The following DCAF8L2 variants were observed in gnomAD, a reference collection of about 807,000 sequenced individuals.
The protein encoded by DCAF8L2 is DDB1 and CUL4 associated factor 8 like 2.
For missense variants in DCAF8L2, 430 were observed against 490.7 expected, an observed-to-expected ratio of 0.88 and a Z score of 1.17; for synonymous variants, 200 against 190.9, an observed-to-expected ratio of 1.05 and a Z score of -0.39.
At chrX:27,519,650 G>A in the DCAF8L2 span, 9 of 615,965 alleles carry the variant, frequency 1.5e-5, no homozygotes, top group Non-Finnish European at 2.3e-5. Context: ...TCAAATGAAG[G>A]GGTAATGAAC....
At chrX:27,609,816 AC>A (rs1927076192) in intron 1 of DCAF8L2, among the ~76,000 whole-genome samples, 1 of 111,707 alleles carries the variant, frequency 9.0e-6, no homozygotes, top group South Asian at 3.7e-4. Context: ...GAATTCTGGC[AC>A]CCCACAGCTA....
At chrX:27,516,481 CACACAA>C in the DCAF8L2 span, among the ~76,000 whole-genome samples, 3 of 106,658 alleles carry the variant, frequency 2.8e-5, no homozygotes, top group South Asian at 1.2e-3. Flanking sequence ...CACACACACA[CACACAA>C]ACACACACAC....
intron 2 of DCAF8L2, among the ~76,000 whole-genome samples, chrX:27,654,989 A>G (rs1040842319): frequency 3.6e-5 from 4 of 110,983 alleles, no homozygotes; most frequent in Non-Finnish European, 5.7e-5. Context: ...CCTACATACT[A>G]TTTTTTCTCT....
the DCAF8L2 span, among the ~76,000 whole-genome samples, chrX:27,578,581 C>T: frequency 8.9e-6 from 1 of 111,780 alleles, no homozygotes; most frequent in Non-Finnish European, 1.9e-5. Flanking sequence ...TAAAGAGCTT[C>T]TACACAGCAA....
At chrX:27,746,431 G>C (rs774857941) in intron 4 of DCAF8L2, among the ~76,000 whole-genome samples, 2 of 112,123 alleles carry the variant, frequency 1.8e-5, no homozygotes, top group Admixed American at 1.9e-4. Flanking sequence ...ACTTTTCACT[G>C]TTCTTGCCTA....
At chrX:27,509,987 T>G in the DCAF8L2 span, among the ~76,000 whole-genome samples, 1 of 111,668 alleles carries the variant, frequency 9.0e-6, no homozygotes, top group African/African-American at 3.2e-5. Context: ...CAAAGCCTAC[T>G]TAATTAAATA....
the DCAF8L2 span, among the ~76,000 whole-genome samples, chrX:27,584,567 A>G: frequency 7.2e-5 from 8 of 110,919 alleles, no homozygotes; most frequent in Admixed American, 2.9e-4. Context: ...TTATTACTAA[A>G]GTTTTGAAAT....
intron 4 of DCAF8L2, among the ~76,000 whole-genome samples, chrX:27,721,277 A>C (rs1457183300): frequency 2.7e-5 from 3 of 111,796 alleles, no homozygotes; most frequent in Non-Finnish European, 5.7e-5. Context: ...ATTTAAGAAA[A>C]TGGTGCATGA....
chrX:27,487,264 CTTTTGTTTTG>C, the DCAF8L2 span, among the ~76,000 whole-genome samples: 30 of 105,703 alleles, frequency 2.8e-4, no homozygotes, highest in Middle Eastern at 4.9e-3. Context: ...TCTGATTTTA[CTTTTGTTTTG>C]TTTTGTTTTG....
chrX:27,532,701 C>A, the DCAF8L2 span, among the ~76,000 whole-genome samples: 1 of 108,700 alleles, frequency 9.2e-6, no homozygotes, highest in South Asian at 4.1e-4. Flanking sequence ...AGTTCCAGAC[C>A]AGCCTAGGCA....
chrX:27,635,312 G>C (rs1372424567), intron 2 of DCAF8L2, among the ~76,000 whole-genome samples: 1 of 111,312 alleles, frequency 9.0e-6, no homozygotes, highest in Non-Finnish European at 1.9e-5. Context: ...TGACTAAGCT[G>C]AAATATCTTC....
In DCAF8L2 at chrX:27,749,059, T is replaced by A. The variant is rs1400398682; in HGVS notation, c.*268T>A. Among the ~76,000 whole-genome samples, 2 of 111,202 alleles carry A rather than the reference T, an allele frequency of 1.8e-5. No homozygotes were observed. The highest frequency in any genetic ancestry group is 3.8e-5 in the Non-Finnish European group (2 of 53,103). On this transcript the variant is annotated 3_prime_UTR_variant, in exon 5 of 5. Coordinates refer to ENST00000451261, the MANE Select transcript of DCAF8L2 (RefSeq NM_001353450.2). ...TTACATGAGTGCATACACAACTTATTTATGCCTCTTTTCCTTTGTTCCCTT... is the reference window on the plus strand; with the variant it reads ...TTACATGAGTGCATACACAACTTATATATGCCTCTTTTCCTTTGTTCCCTT...
At chrX:27,621,711 G>A (rs1927769340) in intron 1 of DCAF8L2, among the ~76,000 whole-genome samples, 1 of 111,873 alleles carries the variant, frequency 8.9e-6, no homozygotes, top group Non-Finnish European at 1.9e-5. Context: ...TAAGATGCTG[G>A]GGCAGGCACT....
intron 3 of DCAF8L2, among the ~76,000 whole-genome samples, chrX:27,692,410 G>T (rs1930745653): frequency 8.9e-6 from 1 of 111,816 alleles, no homozygotes; most frequent in African/African-American, 3.2e-5. Flanking sequence ...GTGTCCCAAT[G>T]GGTTTTGTAA....
the DCAF8L2 span, among the ~76,000 whole-genome samples, chrX:27,499,294 G>A: frequency 9.0e-6 from 1 of 111,652 alleles, no homozygotes; most frequent in Non-Finnish European, 1.9e-5. Context: ...ATCTCATTGT[G>A]GTTATGATTT....
At chrX:27,611,610 C>T (rs1340003760) in intron 1 of DCAF8L2, among the ~76,000 whole-genome samples, 1 of 108,649 alleles carries the variant, frequency 9.2e-6, no homozygotes, top group Non-Finnish European at 1.9e-5. Context: ...CACCCCACGA[C>T]AGGCCCCGGT....
chrX:27,562,128 G>A, the DCAF8L2 span, among the ~76,000 whole-genome samples: 7 of 111,908 alleles, frequency 6.3e-5, no homozygotes, highest in Admixed American at 6.6e-4. Context: ...ATCTCATTGT[G>A]GTTTTGATTT....
chrX:27,557,798 C>T, the DCAF8L2 span, among the ~76,000 whole-genome samples: 2 of 99,699 alleles, frequency 2.0e-5, no homozygotes, highest in Non-Finnish European at 2.1e-5. Context: ...TAAGTGGATC[C>T]GGGTATTGCA....
intron 3 of DCAF8L2, among the ~76,000 whole-genome samples, chrX:27,704,634 A>G (rs1012449174): frequency 9.1e-6 from 1 of 110,231 alleles, no homozygotes; most frequent in Non-Finnish European, 1.9e-5. Flanking sequence ...GTATACTGAA[A>G]ATTTTCCAAG....
Sources: gnomAD v4.1 joint callset for allele counts (sites outside exome capture counted in the v4.1 genomes callset) on GRCh38, gnomAD v4.1.1 for gene constraint, MANE v1.5 for transcripts, NCBI Gene and HGNC (gene_info 2026-07-23, HGNC 2026-07-21) for gene names.